CDH18: variants seen among roughly 807,000 people sequenced by gnomAD.
CDH18 encodes cadherin 18, also known as cadherin-18.
Under a neutral mutation model 67.9 loss-of-function variants are expected in CDH18, and 31 were observed. The ratio of observed to expected loss-of-function variants is 0.46; its 90% CI spans 0.34 to 0.62. The LOEUF (loss-of-function observed/expected upper bound fraction) is 0.62, where lower values mean the gene tolerates loss of function less well. CDH18 is among the 20% of genes least tolerant of loss of function. The pLI is 0.01. For synonymous variants in CDH18, 362 were observed against 347.2 expected (o/e 1.04, Z -0.48); for missense variants, 890 against 975.5 (o/e 0.91, Z 1.17).
chr5:20,539,046 G>A (rs1243098517), intron 1 of CDH18, among the ~76,000 whole-genome samples: 1 of 151,462 alleles, frequency 6.6e-6, no homozygotes, highest in Non-Finnish European at 1.5e-5. Context: ...CTGCCACCAC[G>A]TTCTGCTAAT....
intron 1 of CDH18, among the ~76,000 whole-genome samples, chr5:20,458,806 A>G (rs1421429254): frequency 2.0e-5 from 3 of 152,050 alleles, no homozygotes; most frequent in African/African-American, 7.2e-5. Context: ...GTAACACATC[A>G]CTCCACTAAA....
intron 2 of CDH18, among the ~76,000 whole-genome samples, chr5:19,887,946 A>C (rs1340359849): frequency 6.6e-6 from 1 of 152,032 alleles, no homozygotes; most frequent in Non-Finnish European, 1.5e-5. Flanking sequence ...GTTGATTCAG[A>C]AACATATGTC....
intron 8 of CDH18, among the ~76,000 whole-genome samples, chr5:19,565,137 G>A (rs1740152010): frequency 6.6e-6 from 1 of 152,054 alleles, no homozygotes; most frequent in African/African-American, 2.4e-5. Context: ...CGAGGGGAAG[G>A]ACACAATCCT....
chr5:20,327,276 C>T (rs77155846), intron 1 of CDH18, among the ~76,000 whole-genome samples: 2,110 of 152,280 alleles, frequency 0.014, 54 homozygotes, highest in African/African-American at 0.048. Flanking sequence ...CAACTTGTAT[C>T]ATAGCCTCAT....
chr5:19,866,737 T>C (rs577594060), intron 2 of CDH18, among the ~76,000 whole-genome samples: 1 of 152,162 alleles, frequency 6.6e-6, no homozygotes, highest in South Asian at 2.1e-4. Flanking sequence ...AGTAACTGGG[T>C]TTGGGCAATA....
At chr5:20,201,309 TA>T (rs1470070685) in intron 2 of CDH18, among the ~76,000 whole-genome samples, 1 of 152,144 alleles carries the variant, frequency 6.6e-6, no homozygotes, top group Non-Finnish European at 1.5e-5. Context: ...AACATTCTGA[TA>T]AAGTCACCTT....
intron 1 of CDH18, among the ~76,000 whole-genome samples, chr5:20,385,939 G>A (rs998416698): frequency 7.2e-5 from 11 of 152,012 alleles, no homozygotes; most frequent in African/African-American, 2.7e-4. Context: ...ACTATTACGA[G>A]GAACTTAACA....
At chr5:19,702,073 C>T (rs1763325014) in intron 5 of CDH18, among the ~76,000 whole-genome samples, 1 of 151,666 alleles carries the variant, frequency 6.6e-6, no homozygotes, top group Non-Finnish European at 1.5e-5. Context: ...AAAAATCCAC[C>T]ACGGTGCACT....
chr5:20,311,405 A>G (rs1260132312), intron 1 of CDH18, among the ~76,000 whole-genome samples: 1 of 152,224 alleles, frequency 6.6e-6, no homozygotes, highest in Non-Finnish European at 1.5e-5. Flanking sequence ...CCAAACGTCC[A>G]TCAATGATAG....
chr5:19,806,131 AC>A (rs1415505737), intron 3 of CDH18, among the ~76,000 whole-genome samples: 2 of 152,204 alleles, frequency 1.3e-5, no homozygotes, highest in African/African-American at 2.4e-5. Context: ...TTCCTTCTTA[AC>A]AAACACATTT....
intron 2 of CDH18, among the ~76,000 whole-genome samples, chr5:19,887,630 A>G (rs1788353955): frequency 6.6e-6 from 1 of 151,522 alleles, no homozygotes; most frequent in African/African-American, 2.4e-5. Flanking sequence ...GTGCAGTGGC[A>G]TGATCATATT....
intron 3 of CDH18, among the ~76,000 whole-genome samples, chr5:19,772,332 A>G (rs771989934): frequency 3.9e-5 from 6 of 152,196 alleles, no homozygotes; most frequent in Non-Finnish European, 7.3e-5. Flanking sequence ...GATATGCCCA[A>G]TAAAATCCCA....
intron 2 of CDH18, among the ~76,000 whole-genome samples, chr5:20,217,046 C>T (rs1442182623): frequency 6.6e-6 from 1 of 151,662 alleles, no homozygotes; most frequent in Non-Finnish European, 1.5e-5. Flanking sequence ...CCAGAGAAAA[C>T]ATCCTTTAAT....
chr5:20,180,212 C>G (rs566963274), intron 2 of CDH18, among the ~76,000 whole-genome samples: 9 of 151,974 alleles, frequency 5.9e-5, no homozygotes, highest in Non-Finnish European at 7.4e-5. Context: ...GGAATGCCAC[C>G]CTTGTGGAGA....
At chr5:19,994,995 C>T (rs1009047640) in intron 2 of CDH18, among the ~76,000 whole-genome samples, 6 of 150,604 alleles carry the variant, frequency 4.0e-5, no homozygotes, top group African/African-American at 1.5e-4. Context: ...CCAGTCCAAA[C>T]GTGAAGGCTT....
At chr5:19,624,171 C>G (rs1051300514) in intron 5 of CDH18, among the ~76,000 whole-genome samples, 8 of 151,986 alleles carry the variant, frequency 5.3e-5, no homozygotes, top group African/African-American at 1.7e-4. Flanking sequence ...CCATGCCCAG[C>G]TAATTTTGTA....
In CDH18 at chr5:19,899,399, C is replaced by CAA. The variant is rs57987551; in HGVS notation, c.-256-60159_-256-60158dup. ...TGGGTGACAGAGAGAGACTCCATTT[C>CAA]AAAAAAAAAAAAAATGATGTTGTCT... On this transcript the variant is annotated intron_variant, in intron 2 of 12. Transcript: ENST00000382275. 2.4e-3 allele frequency among the ~76,000 whole-genome samples: 323 copies of CAA among 137,086 alleles called. 2 individuals are homozygous for CAA. Among genetic ancestry groups the CAA allele is most frequent in the Admixed American group, 5.0e-3 (69 of 13,806 alleles). The allele number at this position is 137,086 out of a possible 152,430, so 89.9% of individuals were successfully genotyped here.
At chr5:19,501,316 G>A (rs932163876) in intron 11 of CDH18, among the ~76,000 whole-genome samples, 1 of 149,534 alleles carries the variant, frequency 6.7e-6, no homozygotes, top group Non-Finnish European at 1.5e-5. Flanking sequence ...AAGAATGTGG[G>A]ATTTGGCCAG....
At chr5:19,480,610 C>T (rs1739265115) in intron 12 of CDH18, among the ~76,000 whole-genome samples, 2 of 152,112 alleles carry the variant, frequency 1.3e-5, no homozygotes. Context: ...ATCCCCTGAC[C>T]TCGTGATGCG....
Sources: allele counts gnomAD v4.1 joint callset (sites outside exome capture counted in the v4.1 genomes callset), GRCh38; gene constraint gnomAD v4.1.1; transcripts MANE v1.5; gene names NCBI Gene and HGNC (gene_info 2026-07-23, HGNC 2026-07-21).